Variants in CD226 observed in about 807,000 individuals in gnomAD.
CD226 encodes the protein CD226 antigen.
CD226 carries 24 observed loss-of-function variants against 34.9 expected under a neutral mutation model. The observed-to-expected ratio is 0.69, with a 90% CI of 0.50 to 0.97. CD226 has a LOEUF of 0.97. CD226 is among the 50% of genes least tolerant of loss of function. The probability of loss-of-function intolerance (pLI) is 0.00; values close to 1 mark genes in which losing one functional copy is unlikely to be tolerated. For synonymous variants in CD226, 148 were observed against 147.4 expected (o/e 1.00, Z -0.03); for missense variants, 397 against 412.7 (o/e 0.96, Z 0.33).
chr18:69,938,498 A>G (rs1278511954), intron 2 of CD226, among the ~76,000 whole-genome samples: 1 of 152,180 alleles, frequency 6.6e-6, no homozygotes, highest in African/African-American at 2.4e-5. Context: ...GATATTTTCA[A>G]TCCTGGTTTG....
At chr18:69,926,421 A>G (rs1337225480) in intron 2 of CD226, among the ~76,000 whole-genome samples, 1 of 152,068 alleles carries the variant, frequency 6.6e-6, no homozygotes, top group Non-Finnish European at 1.5e-5. Context: ...CAGTCATCTT[A>G]AGGACTCTGA....
chr18:69,868,803 GCA>G (rs56351883), intron 4 of CD226, among the ~76,000 whole-genome samples: 5,802 of 150,994 alleles, frequency 0.038, 136 homozygotes, highest in African/African-American at 0.067. Flanking sequence ...GCGCGTGCAC[GCA>G]CACACACACA....
intron 2 of CD226, 66 bp from the exon 3 acceptor site, chr18:69,896,111 C>T: frequency 6.5e-7 from 1 of 1,529,846 alleles, no homozygotes. Flanking sequence ...CTGGAAGATA[C>T]TTAATCATAA....
At chr18:69,926,420 T>TA (rs1327247082) in intron 2 of CD226, among the ~76,000 whole-genome samples, 2 of 152,112 alleles carry the variant, frequency 1.3e-5, no homozygotes, top group African/African-American at 4.8e-5. Flanking sequence ...ACAGTCATCT[T>TA]AAGGACTCTG....
chr18:69,873,558 C>A (rs1337963452), intron 3 of CD226, among the ~76,000 whole-genome samples: 2 of 151,708 alleles, frequency 1.3e-5, no homozygotes, highest in African/African-American at 4.8e-5. Flanking sequence ...ATACACAAAA[C>A]CTTTTGTAGA....
intron 2 of CD226, among the ~76,000 whole-genome samples, chr18:69,939,927 C>T (rs2055701944): frequency 6.6e-6 from 1 of 152,188 alleles, no homozygotes. Context: ...TATCAGTCTC[C>T]ATGATCATAT....
intron 3 of CD226, among the ~76,000 whole-genome samples, chr18:69,883,117 A>T (rs1171628617): frequency 1.3e-5 from 2 of 152,222 alleles, no homozygotes; most frequent in Non-Finnish European, 2.9e-5. Flanking sequence ...AGTCCATAAA[A>T]AAGAAGATGA....
At chr18:69,885,356 G>A (rs1375287932) in intron 3 of CD226, among the ~76,000 whole-genome samples, 1 of 152,166 alleles carries the variant, frequency 6.6e-6, no homozygotes, top group Non-Finnish European at 1.5e-5. Context: ...TGTCCCTAAG[G>A]AAGGAGGGAC....
At chr18:69,916,519 C>G (rs947368890) in intron 2 of CD226, among the ~76,000 whole-genome samples, 3 of 152,152 alleles carry the variant, frequency 2.0e-5, no homozygotes, top group African/African-American at 4.8e-5. Context: ...CATTTATCAT[C>G]TCAACAAGAA....
rs1982773895 is a variant in CD226 at position 69,860,799 on chromosome 18, A to C, written c.*3515T>G. 1 of 152,164 alleles carries C rather than the reference A, an allele frequency of 6.6e-6. No individual in the cohort carries two copies. Among genetic ancestry groups the C allele is most frequent in the African/African-American group, 2.4e-5 (1 of 41,462 alleles). The allele number at this position is 152,164 out of a possible 1,614,324, so 9.4% of individuals were successfully genotyped here. ...TGTTTATATTGTCTTATATTTTTTAAAGATATTTTCTTATCACTGTTGTGA... is the reference window on the plus strand; with the variant it reads ...TGTTTATATTGTCTTATATTTTTTACAGATATTTTCTTATCACTGTTGTGA... On this transcript the variant is annotated 3_prime_UTR_variant, in exon 6 of 6. Coordinates refer to ENST00000582621, the MANE Select transcript of CD226 (RefSeq NM_001303618.2).
At chr18:69,934,403 T>C (rs929285369) in intron 2 of CD226, among the ~76,000 whole-genome samples, 1 of 152,160 alleles carries the variant, frequency 6.6e-6, no homozygotes, top group Admixed American at 6.5e-5. Context: ...GGAACAAGTA[T>C]GTTCTTAAGA....
chr18:69,873,506 A>G (rs1384251624), intron 3 of CD226, among the ~76,000 whole-genome samples: 2 of 152,108 alleles, frequency 1.3e-5, no homozygotes, highest in African/African-American at 4.8e-5. Flanking sequence ...TATAAAGAGC[A>G]TGCGTTTGCC....
intron 2 of CD226, among the ~76,000 whole-genome samples, chr18:69,933,660 C>T (rs2055616091): frequency 6.6e-6 from 1 of 152,196 alleles, no homozygotes; most frequent in Non-Finnish European, 1.5e-5. Context: ...GTAAGATTTA[C>T]AGGGATTTTT....
upstream of CD226, among the ~76,000 whole-genome samples, chr18:69,948,458 A>G (rs1464910716): frequency 6.6e-6 from 1 of 152,244 alleles, no homozygotes; most frequent in African/African-American, 2.4e-5. Flanking sequence ...AGACAATTTT[A>G]TCTAATGCCG....
At chr18:69,936,893 CTCTT>C (rs1351088277) in intron 2 of CD226, among the ~76,000 whole-genome samples, 1 of 152,190 alleles carries the variant, frequency 6.6e-6, no homozygotes, top group Non-Finnish European at 1.5e-5. Context: ...ATAAGAAAGA[CTCTT>C]TCTCTGTGGC....
intron 3 of CD226, among the ~76,000 whole-genome samples, chr18:69,894,311 G>A (rs1251021727): frequency 8.7e-6 from 1 of 114,686 alleles, no homozygotes; most frequent in African/African-American, 3.5e-5. Flanking sequence ...GATTCATTGT[G>A]ACAAAAGAGA....
At chr18:69,879,389 C>A (rs907624195) in intron 3 of CD226, among the ~76,000 whole-genome samples, 2 of 152,248 alleles carry the variant, frequency 1.3e-5, no homozygotes, top group South Asian at 2.1e-4. Flanking sequence ...CTCCTCCCCC[C>A]AGGAAAGCAT....
chr18:69,955,014 A>C (rs1178559931), intron 1 of CD226, among the ~76,000 whole-genome samples: 1 of 152,104 alleles, frequency 6.6e-6, no homozygotes, highest in Non-Finnish European at 1.5e-5. Context: ...CATTAATCAA[A>C]ATATTACTGG....
At chr18:69,946,619 G>C in intron 2 of CD226, 115 bp downstream of exon 2, 1 of 710,294 alleles carries the variant, frequency 1.4e-6, no homozygotes, top group Non-Finnish European at 2.3e-6. Flanking sequence ...AAATGGAATT[G>C]GAGAATGCCA....
Sources: gnomAD v4.1 joint callset for allele counts (sites outside exome capture counted in the v4.1 genomes callset) on GRCh38, gnomAD v4.1.1 for gene constraint, MANE v1.5 for transcripts, NCBI Gene and HGNC (gene_info 2026-07-23, HGNC 2026-07-21) for gene names.